The following PIRT variants were observed in gnomAD, a reference collection of about 807,000 sequenced individuals.
The protein encoded by PIRT is phosphoinositide interacting regulator of transient receptor potential channels.
A neutral mutation model predicts 7.9 loss-of-function variants in PIRT; 6 were observed. The ratio of observed to expected loss-of-function variants is 0.76; its 90% CI spans 0.42 to 1.51. PIRT has a LOEUF of 1.51. Ranked by LOEUF, PIRT falls within the 40% of genes most tolerant of loss-of-function variation. The pLI is 0.01. For synonymous variants in PIRT, 78 were observed against 71.8 expected, an observed-to-expected ratio of 1.09 and a Z score of -0.44; for missense variants, 170 against 172.9, an observed-to-expected ratio of 0.98 and a Z score of 0.09.
chr17:10,830,885 T>G (rs540576447), intron 1 of PIRT, among the ~76,000 whole-genome samples: 19 of 152,302 alleles, frequency 1.2e-4, no homozygotes, highest in Non-Finnish European at 1.0e-4. Context: ...TATTGTAGGA[T>G]AGTTAGCAAC....
rs764128482 is a variant in PIRT, at chr17:10,825,276, A to T, written c.370T>A (p.Ser124Thr). 4 of 1,613,846 alleles carry T rather than the reference A, an allele frequency of 2.5e-6. No homozygotes were observed. The South Asian group carries it at 4.4e-5, about 18-fold the overall frequency. The change falls in exon 2 of 2, where the codon TCG becomes ACG. Residue 124 changes from serine to threonine, a missense_variant. Transcript: ENST00000580256. Reference sequence around the variant, plus strand: ...GACTTGAGGCTGCGTAAGAAATTCGACTTCTGTCTGTGCTTCTGTTTCTTT... The same window carrying T: ...GACTTGAGGCTGCGTAAGAAATTCGTCTTCTGTCTGTGCTTCTGTTTCTTT... The part of the protein sequence containing the change: ...IKKKQKHRQK[S>T]NFLRSLKSFF...
intron 1 of PIRT, among the ~76,000 whole-genome samples, chr17:10,829,190 G>T (rs976287859): frequency 2.0e-5 from 3 of 152,112 alleles, no homozygotes; most frequent in Non-Finnish European, 4.4e-5. Flanking sequence ...TCCCGTTTCC[G>T]TGAAGACATG....
intron 1 of PIRT, among the ~76,000 whole-genome samples, chr17:10,833,186 C>G (rs1020209043): frequency 6.6e-6 from 1 of 152,162 alleles, no homozygotes; most frequent in Non-Finnish European, 1.5e-5. Context: ...AAGAATGAAA[C>G]TTGATCCCAC....
Position 10,823,631 on chromosome 17 carries a change from G to T in PIRT, c.*1601C>A, listed in dbSNP as rs1447639498. 1 of 152,274 alleles carries T rather than the reference G, an allele frequency of 6.6e-6. No individual in the cohort carries two copies. The highest frequency in any genetic ancestry group is 1.5e-5 in the Non-Finnish European group (1 of 68,100). 9.4% of individuals were successfully genotyped at this position (152,274 alleles called of 1,614,324 possible). A position where few individuals can be genotyped will look rare whatever the true frequency, so the allele number is the denominator to read the frequency against. On this transcript the variant is annotated 3_prime_UTR_variant, in exon 2 of 2. Coordinates refer to ENST00000580256, the MANE Select transcript of PIRT (RefSeq NM_001101387.2). The stretch of plus-strand genomic sequence containing the variant: ...CCTCATTACCAAATGCTCTCCAGGG[G>T]TCTTTGGCCTAGGGCAGCGTGGCTG...
rs1905229177 is a variant in PIRT, at chr17:10,822,562, A to T, written c.*2670T>A. ...CCCAAACAGAATAGCCATGGGGAGC[A>T]TGAGACAATCTAGTGAGCCTAAAAC... On this transcript the variant is annotated 3_prime_UTR_variant, in exon 2 of 2. Transcript: ENST00000580256. The T allele has an allele frequency of 6.6e-6, 1 of 152,194 alleles. No homozygotes were observed. The highest frequency in any genetic ancestry group is 1.5e-5 in the Non-Finnish European group (1 of 68,030). 9.4% of individuals were successfully genotyped at this position (152,194 alleles called of 1,614,324 possible).
chr17:10,825,103 C>T lies in PIRT; in HGVS notation c.*129G>A. ...AGGGTGGAGCCCCAAGCTCTATCTT[C>T]CCCACAGGGTCAGGAAGAGCATTTT... is the stretch of plus-strand genomic sequence containing the variant. On this transcript the variant is annotated 3_prime_UTR_variant, in exon 2 of 2. Coordinates refer to ENST00000580256, the MANE Select transcript of PIRT (RefSeq NM_001101387.2). 8.1e-7 allele frequency: 1 copy of T among 1,236,098 alleles called. No individual in the cohort carries two copies. The highest frequency in any genetic ancestry group is 1.1e-6 in the Non-Finnish European group (1 of 898,696). The allele number at this position is 1,236,098 out of a possible 1,614,324, so 76.6% of individuals were successfully genotyped here.
chr17:10,833,934 C>T (rs780716827), intron 1 of PIRT, among the ~76,000 whole-genome samples: 1 of 152,114 alleles, frequency 6.6e-6, no homozygotes, highest in Non-Finnish European at 1.5e-5. Context: ...GACATCACCA[C>T]ACATGCACTA....
At position 10,825,640 on chromosome 17, in the gene PIRT, C is replaced by CG; in HGVS notation, c.5dup (p.Met3AspfsTer12). The stretch of plus-strand genomic sequence containing the variant: ...CTAGAACCTTGGGGAGAGTCTCCAT[C>CG]GTCATGGTTGCTCAGGACTGGGCGC... On this transcript the variant is annotated frameshift_variant, in exon 2 of 2. Transcript: ENST00000580256. LOFTEE classifies it high-confidence loss of function. 1 of 1,477,752 alleles carries CG rather than the reference C, an allele frequency of 6.8e-7. No homozygotes were observed. The highest frequency in any genetic ancestry group is 9.0e-7 in the Non-Finnish European group (1 of 1,111,972). The allele number at this position is 1,477,752 out of a possible 1,614,324, so 91.5% of individuals were successfully genotyped here. A position where few individuals can be genotyped will look rare whatever the true frequency, so the allele number is the denominator to read the frequency against.
chr17:10,830,382 A>G (rs1026891862), intron 1 of PIRT, among the ~76,000 whole-genome samples: 3 of 152,226 alleles, frequency 2.0e-5, no homozygotes, highest in African/African-American at 7.2e-5. Context: ...CTTTGGCATC[A>G]GAGTGACCAC....
chr17:10,825,914 G>C (rs984804579), intron 1 of PIRT, 131 bp from the exon 2 acceptor site: 22 of 308,786 alleles, frequency 7.1e-5, no homozygotes, highest in African/African-American at 4.1e-4. Flanking sequence ...TTTAAAACAA[G>C]GAACAGTGAT....
chr17:10,837,997 G>C lies in PIRT; in HGVS notation c.-191C>G, dbSNP rs189764256. On this transcript the variant is annotated 5_prime_UTR_variant, in exon 1 of 2. Transcript: ENST00000580256. Reference sequence around the variant, plus strand: ...GGGACCTGGGAATCACTTGGTGCTCGTGCAAGGAGGAAGCCGGCAATGAGT... The same window carrying C: ...GGGACCTGGGAATCACTTGGTGCTCCTGCAAGGAGGAAGCCGGCAATGAGT... The C allele has an allele frequency of 6.6e-6, 1 of 152,302 alleles. No homozygotes were observed. Among genetic ancestry groups the C allele is most frequent in the Admixed American group, 6.5e-5 (1 of 15,284 alleles). The allele number at this position is 152,302 out of a possible 1,614,324, so 9.4% of individuals were successfully genotyped here.
chr17:10,827,454 C>CTTTTTTTTTTTTTTTT (rs1567615893), intron 1 of PIRT, among the ~76,000 whole-genome samples: 1 of 90,428 alleles, frequency 1.1e-5, no homozygotes, highest in African/African-American at 4.7e-5. Flanking sequence ...TCTTTTCTTT[C>CTTTTTTTTTTTTTTTT]TTTTTCTTTT....
Position 10,825,067 on chromosome 17 carries a change from C to T in PIRT, c.*165G>A, listed in dbSNP as rs113074851. The T allele has an allele frequency of 4.8e-5, 42 of 876,474 alleles. 1 individual carries two copies. Among genetic ancestry groups the T allele is most frequent in the East Asian group, 2.1e-4 (8 of 37,660 alleles). The allele number at this position is 876,474 out of a possible 1,614,324, so 54.3% of individuals were successfully genotyped here. A position where few individuals can be genotyped will look rare whatever the true frequency, so the allele number is the denominator to read the frequency against. On this transcript the variant is annotated 3_prime_UTR_variant, in exon 2 of 2. Transcript: ENST00000580256. ...AAGTGGATACATCTGGCAACATTCCCGGCTGCATGGAGGGTGGAGCCCCAA... is the reference window on the plus strand; with the variant it reads ...AAGTGGATACATCTGGCAACATTCCTGGCTGCATGGAGGGTGGAGCCCCAA...
At chr17:10,835,360 G>A (rs1330951621) in intron 1 of PIRT, among the ~76,000 whole-genome samples, 1 of 152,176 alleles carries the variant, frequency 6.6e-6, no homozygotes, top group East Asian at 1.9e-4. Context: ...ACTCCTATGG[G>A]GAAGCTATAT....
chr17:10,825,274 C>A lies in PIRT; in HGVS notation c.372G>T (p.Ser124=). Residue 124 remains serine, a synonymous_variant, in exon 2 of 2, where the codon TCG becomes TCT. Coordinates refer to ENST00000580256, the MANE Select transcript of PIRT (RefSeq NM_001101387.2). ...AGGACTTGAGGCTGCGTAAGAAATTCGACTTCTGTCTGTGCTTCTGTTTCT... is the reference window on the plus strand; with the variant it reads ...AGGACTTGAGGCTGCGTAAGAAATTAGACTTCTGTCTGTGCTTCTGTTTCT... ...IKKKQKHRQK[S]NFLRSLKSFF... 1 of 1,613,960 alleles carries A rather than the reference C, an allele frequency of 6.2e-7. No homozygotes were observed. The highest frequency in any genetic ancestry group is 8.5e-7 in the Non-Finnish European group (1 of 1,179,878).
At position 10,824,229 on chromosome 17, in the gene PIRT, A is replaced by AT. The variant is rs1905264268; in HGVS notation, c.*1002dup. On this transcript the variant is annotated 3_prime_UTR_variant, in exon 2 of 2. Transcript: ENST00000580256. ...TATCCCAGAATGCGACACTTAATAA[A>AT]TGTTGGCTTTTTTGGTGGGTGGGGG... The AT allele has an allele frequency of 6.6e-6, 1 of 152,182 alleles. No homozygotes were observed. The highest frequency in any genetic ancestry group is 2.4e-5 in the African/African-American group (1 of 41,434). The allele number at this position is 152,182 out of a possible 1,614,324, so 9.4% of individuals were successfully genotyped here.
At position 10,836,273 on chromosome 17, in the gene PIRT, G is replaced by A. The variant is rs80301498; in HGVS notation, c.-139+1672C>T. On this transcript the variant is annotated intron_variant, in intron 1 of 1. Transcript: ENST00000580256. ...TTTTTTTCTTCTTGTTTTCTTCACC[G>A]CCTTCCTTGCATTCTACCACCCTAC... Among the ~76,000 whole-genome samples the A allele has an allele frequency of 6.0e-3, 917 of 151,960 alleles. 10 individuals are homozygous for A. Among genetic ancestry groups the A allele is most frequent in the African/African-American group, 0.021 (864 of 41,434 alleles).
At chr17:10,830,932 T>A (rs1048392614) in intron 1 of PIRT, among the ~76,000 whole-genome samples, 2 of 152,206 alleles carry the variant, frequency 1.3e-5, no homozygotes, top group Admixed American at 1.3e-4. Flanking sequence ...CAACAGTACC[T>A]CTTCCTCCCT....
In PIRT at chr17:10,825,379, G is replaced by A. The variant is rs1290242758; in HGVS notation, c.267C>T (p.Leu89=). 2 of 1,613,998 alleles carry A rather than the reference G, an allele frequency of 1.2e-6. No individual in the cohort carries two copies. Among genetic ancestry groups the A allele is most frequent in the Non-Finnish European group, 1.7e-6 (2 of 1,179,890 alleles). Residue 89 remains leucine, a synonymous_variant, in exon 2 of 2, where the codon CTC becomes CTT. Coordinates refer to ENST00000580256, the MANE Select transcript of PIRT (RefSeq NM_001101387.2). The part of the protein sequence containing the change: ...LKLSDKSLSI[L]KMVGPGFLSL... Reference sequence around the variant, plus strand: ...ACAGGAAGCCAGGCCCTACCATTTTGAGGATGGAGAGACTCTTGTCACTCA... The same window carrying A: ...ACAGGAAGCCAGGCCCTACCATTTTAAGGATGGAGAGACTCTTGTCACTCA...
Sources: gnomAD v4.1 joint callset for allele counts (sites outside exome capture counted in the v4.1 genomes callset) on GRCh38, gnomAD v4.1.1 for gene constraint, MANE v1.5 for transcripts, NCBI Gene and HGNC (gene_info 2026-07-23, HGNC 2026-07-21) for gene names.